Variants in DGKH observed in about 807,000 individuals in gnomAD.
DGKH encodes diacylglycerol kinase eta, also known as DAG kinase eta.
In DGKH, 90 loss-of-function variants were observed where a neutral mutation model predicts 159.3. That is an observed-to-expected ratio of 0.57 (90% CI 0.48 to 0.67). DGKH has a LOEUF of 0.67. Among genes scored for constraint, DGKH ranks in the 30% least tolerant of loss-of-function variants. The pLI is 0.00. For synonymous variants in DGKH, 536 were observed against 553.8 expected, an observed-to-expected ratio of 0.97 and a Z score of 0.45; for missense variants, 1,181 against 1,506.1, an observed-to-expected ratio of 0.78 and a Z score of 3.57.
intron 1 of DGKH, among the ~76,000 whole-genome samples, chr13:42,074,648 GTCCA>G (rs10589269): frequency 0.45 from 66,664 of 148,860 alleles, 15,435 homozygotes; most frequent in African/African-American, 0.56. Flanking sequence ...GTATCTATCC[GTCCA>G]TCCATCCATC....
intron 20 of DGKH, among the ~76,000 whole-genome samples, chr13:42,202,076 GAACCTT>G: frequency 6.6e-6 from 1 of 152,060 alleles, no homozygotes; most frequent in East Asian, 1.9e-4. Context: ...CCTGGTTTCT[GAACCTT>G]AAGTTAAGAA....
intron 13 of DGKH, among the ~76,000 whole-genome samples, chr13:42,186,451 A>G (rs937947859): frequency 2.0e-5 from 3 of 152,346 alleles, no homozygotes; most frequent in Admixed American, 2.0e-4. Flanking sequence ...TAAACCATAT[A>G]CTGCTGACAC....
At chr13:42,138,057 T>C (rs146429129) in intron 3 of DGKH, 30 of 984,490 alleles carry the variant, frequency 3.0e-5, no homozygotes, top group East Asian at 1.1e-4. Flanking sequence ...TAGAAATCTT[T>C]AGTCATCTCA....
At chr13:42,215,758 A>G in intron 26 of DGKH, 91 bp downstream of exon 26, 1 of 1,149,936 alleles carries the variant, frequency 8.7e-7, no homozygotes, top group Non-Finnish European at 1.2e-6. Flanking sequence ...GCAGATTCTA[A>G]GGCAGAAGCA....
upstream of DGKH, among the ~76,000 whole-genome samples, chr13:42,047,671 C>T (rs955030601): frequency 4.1e-4 from 63 of 152,314 alleles, no homozygotes; most frequent in African/African-American, 1.5e-3. Flanking sequence ...AGCCAGCTTG[C>T]AGGGGAGTTG....
At chr13:42,187,614 G>C (rs1956964479) in intron 14 of DGKH, among the ~76,000 whole-genome samples, 1 of 152,164 alleles carries the variant, frequency 6.6e-6, no homozygotes, top group Admixed American at 6.5e-5. Context: ...GACCTCAGGT[G>C]ATCCGTCCAC....
downstream of DGKH, among the ~76,000 whole-genome samples, chr13:42,247,227 TA>T (rs1958587838): frequency 1.5e-5 from 2 of 129,314 alleles, no homozygotes; most frequent in Non-Finnish European, 3.2e-5. Flanking sequence ...ACACTATGTA[TA>T]CTTTTTTTTT....
chr13:42,252,971 C>T (rs539672627), intron 30 of DGKH, among the ~76,000 whole-genome samples: 4 of 152,116 alleles, frequency 2.6e-5, no homozygotes, highest in African/African-American at 4.8e-5. Flanking sequence ...TGGTCTTGAC[C>T]GGCCTCCTAC....
chr13:42,248,144 T>C (rs1958594999), intron 29 of DGKH, among the ~76,000 whole-genome samples: 1 of 152,112 alleles, frequency 6.6e-6, no homozygotes, highest in Admixed American at 6.6e-5. Flanking sequence ...AAGTGTCCTA[T>C]ACAGATGTAC....
intron 18 of DGKH, among the ~76,000 whole-genome samples, chr13:42,198,999 A>AT (rs762945986): frequency 4.6e-5 from 7 of 151,940 alleles, no homozygotes; most frequent in Non-Finnish European, 8.8e-5. Context: ...GACTCCTACA[A>AT]TTTTTTGGCA....
intron 29 of DGKH, among the ~76,000 whole-genome samples, chr13:42,221,842 A>G (rs749688948): frequency 6.6e-5 from 10 of 152,246 alleles, no homozygotes; most frequent in Non-Finnish European, 1.5e-4. Flanking sequence ...ACTTACAGCA[A>G]TGGCTACTTA....
intron 1 of DGKH, among the ~76,000 whole-genome samples, chr13:42,110,858 G>A (rs985556087): frequency 3.3e-5 from 5 of 152,174 alleles, no homozygotes; most frequent in Non-Finnish European, 5.9e-5. Flanking sequence ...GTAACGGTAC[G>A]TTATAAAGCC....
chr13:42,134,799 A>AC (rs1351408763), intron 3 of DGKH, among the ~76,000 whole-genome samples: 1 of 151,420 alleles, frequency 6.6e-6, no homozygotes, highest in Non-Finnish European at 1.5e-5. Context: ...GGCTAGGCGA[A>AC]CCCCCCTTGT....
In DGKH at chr13:42,104,415, G is replaced by C. The variant is rs564172015; in HGVS notation, c.193-23048G>C. Among the ~76,000 whole-genome samples the C allele has an allele frequency of 1.1e-4, 16 of 152,336 alleles. No homozygotes were observed. The South Asian group carries it at 3.3e-3, about 32-fold the overall frequency. On this transcript the variant is annotated intron_variant, in intron 1 of 29. Transcript: ENST00000337343. ...AAAGTGGCACCCGTGACCATTGCTC[G>C]CATTTCATTGGCAAGATCTTAGTGA...
At chr13:42,223,409 A>G (rs1030044655) in intron 29 of DGKH, among the ~76,000 whole-genome samples, 4 of 152,198 alleles carry the variant, frequency 2.6e-5, no homozygotes, top group Non-Finnish European at 4.4e-5. Context: ...GGTATTATAC[A>G]GGGATATCAA....
At chr13:42,073,738 T>G (rs755964541) in intron 1 of DGKH, among the ~76,000 whole-genome samples, 1 of 152,186 alleles carries the variant, frequency 6.6e-6, no homozygotes, top group Non-Finnish European at 1.5e-5. Context: ...CTGTATATGG[T>G]ATACAACCAT....
chr13:42,207,042 C>CTTTTTCT (rs1566191928), intron 21 of DGKH, among the ~76,000 whole-genome samples: 2 of 38,076 alleles, frequency 5.3e-5, no homozygotes, highest in African/African-American at 1.8e-4. Flanking sequence ...TCTTTCTTTC[C>CTTTTTCT]TTCTTTCCTT....
At chr13:42,126,927 T>C (rs1955182915) in intron 1 of DGKH, among the ~76,000 whole-genome samples, 2 of 152,348 alleles carry the variant, frequency 1.3e-5, no homozygotes, top group African/African-American at 4.8e-5. Flanking sequence ...GAGCACATAC[T>C]ATACACCATG....
At chr13:42,040,757 G>GGGCGGCGGC (rs895060894) in intron 1 of DGKH, among the ~76,000 whole-genome samples, 1 of 148,950 alleles carries the variant, frequency 6.7e-6, no homozygotes, top group Non-Finnish European at 1.5e-5. Context: ...CGGGGAGCCG[G>GGGCGGCGGC]GGCGGCGGCG....
Sources: gnomAD v4.1 joint callset for allele counts (sites outside exome capture counted in the v4.1 genomes callset) on GRCh38, gnomAD v4.1.1 for gene constraint, MANE v1.5 for transcripts, NCBI Gene and HGNC (gene_info 2026-07-23, HGNC 2026-07-21) for gene names.